LAPTM4B: variants seen among roughly 807,000 people sequenced by gnomAD.
The protein encoded by LAPTM4B is lysosomal protein transmembrane 4 beta, also known as lysosomal-associated transmembrane protein 4B.
In LAPTM4B, 26 loss-of-function variants were observed where a neutral mutation model predicts 28.5. That is an observed-to-expected ratio of 0.91 (90% CI 0.67 to 1.27). The LOEUF (loss-of-function observed/expected upper bound fraction) is 1.27. LAPTM4B is among the 50% of genes most tolerant of loss of function. LAPTM4B has a pLI of 0.00. For missense variants in LAPTM4B, 288 were observed against 285.8 expected, an observed-to-expected ratio of 1.01 and a Z score of -0.06; for synonymous variants, 109 against 106.4, an observed-to-expected ratio of 1.02 and a Z score of -0.15.
intron 1 of LAPTM4B, among the ~76,000 whole-genome samples, chr8:97,785,620 A>G (rs547731277): frequency 2.0e-5 from 3 of 152,312 alleles, no homozygotes; most frequent in Admixed American, 2.0e-4. Context: ...CAGCAGTTAT[A>G]AGTGCATTTT....
In LAPTM4B at chr8:97,775,925, G is replaced by A. The variant is rs764589071; in HGVS notation, c.-85G>A. The A allele has an allele frequency of 4.8e-6, 7 of 1,458,748 alleles. No individual in the cohort carries two copies. The highest frequency in any genetic ancestry group is 4.2e-5 in the South Asian group (3 of 72,278). The allele number at this position is 1,458,748 out of a possible 1,614,324, so 90.4% of individuals were successfully genotyped here. A position where few individuals can be genotyped will look rare whatever the true frequency, so the allele number is the denominator to read the frequency against. Reference sequence around the variant, plus strand: ...GGGAGCCGGAGCGGCGGAGGAGCCGGCAGCAGCGGCGCGGCGGGCTCCAGG... The same window carrying A: ...GGGAGCCGGAGCGGCGGAGGAGCCGACAGCAGCGGCGCGGCGGGCTCCAGG... On this transcript the variant is annotated 5_prime_UTR_variant, in exon 1 of 7. Transcript: ENST00000521545.
At chr8:97,782,770 T>G (rs1262476091) in intron 1 of LAPTM4B, among the ~76,000 whole-genome samples, 6 of 151,564 alleles carry the variant, frequency 4.0e-5, no homozygotes. Context: ...TCGCTCTTGT[T>G]GCCCAGGCTG....
chr8:97,787,351 T>C (rs1392263485), intron 1 of LAPTM4B, among the ~76,000 whole-genome samples: 1 of 149,662 alleles, frequency 6.7e-6, no homozygotes, highest in East Asian at 2.0e-4. Flanking sequence ...AGTGGTGCAA[T>C]CTCGGCTCAC....
intron 5 of LAPTM4B, among the ~76,000 whole-genome samples, chr8:97,820,290 A>ATTTT (rs1816984034): frequency 9.5e-6 from 1 of 105,044 alleles, no homozygotes; most frequent in African/African-American, 3.5e-5. Context: ...TTTTTTATTT[A>ATTTT]TTTTTCTTTC....
chr8:97,802,798 A>G (rs1436580307), intron 1 of LAPTM4B, among the ~76,000 whole-genome samples: 2 of 152,146 alleles, frequency 1.3e-5, no homozygotes, highest in East Asian at 3.8e-4. Context: ...ATCTGTTTAA[A>G]TTAGTTATAT....
chr8:97,823,847 G>A (rs1266639259), intron 5 of LAPTM4B, among the ~76,000 whole-genome samples: 4 of 151,668 alleles, frequency 2.6e-5, no homozygotes, highest in Non-Finnish European at 5.9e-5. Flanking sequence ...ACAGGCGCAC[G>A]CTGCCACACC....
intron 6 of LAPTM4B, among the ~76,000 whole-genome samples, chr8:97,843,812 TAAA>T (rs1817389492): frequency 6.8e-6 from 1 of 146,464 alleles, no homozygotes; most frequent in African/African-American, 2.5e-5. Flanking sequence ...AATAAATAAA[TAAA>T]TCATTTGCTT....
intron 1 of LAPTM4B, among the ~76,000 whole-genome samples, chr8:97,797,339 G>T (rs1428218647): frequency 6.6e-6 from 1 of 151,894 alleles, no homozygotes; most frequent in Non-Finnish European, 1.5e-5. Flanking sequence ...CTCCATGTTG[G>T]TTAGCCTGGT....
intron 6 of LAPTM4B, among the ~76,000 whole-genome samples, chr8:97,844,465 A>G (rs1427808546): frequency 6.6e-6 from 1 of 152,152 alleles, no homozygotes; most frequent in Non-Finnish European, 1.5e-5. Context: ...TGCTTGTGGA[A>G]TTCATTGGTG....
At chr8:97,794,917 G>A (rs1025945720) in intron 1 of LAPTM4B, among the ~76,000 whole-genome samples, 1 of 152,004 alleles carries the variant, frequency 6.6e-6, no homozygotes, top group Non-Finnish European at 1.5e-5. Flanking sequence ...TGACCATGTT[G>A]TGCAGGTTGG....
At position 97,850,111 on chromosome 8, in the gene LAPTM4B, G is replaced by A. The variant is rs548624561; in HGVS notation, c.604-1286G>A. On this transcript the variant is annotated intron_variant, in intron 6 of 6. Transcript: ENST00000521545. ...CTAGCTTGTTCCGTCCCTGAGTGCC[G>A]TACTTCAATCTTCTTATCCATTAGT... Among the ~76,000 whole-genome samples, 86 of 151,912 alleles carry A rather than the reference G, an allele frequency of 5.7e-4. 2 individuals are homozygous for A. In the South Asian group the frequency reaches 0.015, roughly 26 times the overall value.
chr8:97,835,154 A>G (rs1337788172), intron 6 of LAPTM4B, among the ~76,000 whole-genome samples: 1 of 152,212 alleles, frequency 6.6e-6, no homozygotes, highest in African/African-American at 2.4e-5. Flanking sequence ...CCACATTTAC[A>G]TAATAACATG....
chr8:97,832,003 G>A (rs554807964), intron 6 of LAPTM4B, among the ~76,000 whole-genome samples: 1 of 152,224 alleles, frequency 6.6e-6, no homozygotes, highest in African/African-American at 2.4e-5. Context: ...TGTGGTATGA[G>A]AGCAGAGGAA....
Position 97,805,414 on chromosome 8 carries a change from A to G in LAPTM4B, c.161A>G (p.Asn54Ser). Residue 54 changes from asparagine (N) to serine (S), a missense_variant, in exon 2 of 7, where the codon AAC becomes AGC. Coordinates refer to ENST00000521545, the MANE Select transcript of LAPTM4B (RefSeq NM_018407.6). ...LSALADPDQY[N>S]FSSSELGGDF... ...GCCCTGGCTGATCCGGATCAGTATA[A>G]CTTTTCAAGTTCTGAACTGGGAGGT... The G allele has an allele frequency of 6.2e-7, 1 of 1,611,508 alleles. No individual in the cohort carries two copies. The highest frequency in any genetic ancestry group is 8.5e-7 in the Non-Finnish European group (1 of 1,179,408).
At chr8:97,801,113 G>A (rs1025547320) in intron 1 of LAPTM4B, among the ~76,000 whole-genome samples, 1 of 151,448 alleles carries the variant, frequency 6.6e-6, no homozygotes, top group Admixed American at 6.6e-5. Flanking sequence ...TTTCATTTCA[G>A]CTTTAAAACC....
intron 1 of LAPTM4B, among the ~76,000 whole-genome samples, chr8:97,785,621 A>C (rs1205364428): frequency 6.6e-6 from 1 of 152,344 alleles, no homozygotes; most frequent in East Asian, 1.9e-4. Flanking sequence ...AGCAGTTATA[A>C]GTGCATTTTT....
intron 1 of LAPTM4B, 133 bp from the exon 2 acceptor site, chr8:97,805,220 T>C: frequency 1.7e-6 from 1 of 603,134 alleles, no homozygotes. Context: ...TGGGGCTTAG[T>C]GTTGAGAGTC....
chr8:97,851,746 C>A lies in LAPTM4B; in HGVS notation c.*272C>A, dbSNP rs912602766. ...CTAGGCATTGAAACTTCCCCCAAAT[C>A]TGATGGACCTAGAAGTCTGCTTTTG... On this transcript the variant is annotated 3_prime_UTR_variant, in exon 7 of 7. Coordinates refer to ENST00000521545, the MANE Select transcript of LAPTM4B (RefSeq NM_018407.6). 2 of 466,396 alleles carry A rather than the reference C, an allele frequency of 4.3e-6. No individual in the cohort carries two copies. The highest frequency in any genetic ancestry group is 3.8e-5 in the East Asian group (1 of 26,254). 28.9% of individuals were successfully genotyped at this position (466,396 alleles called of 1,614,324 possible). A position where few individuals can be genotyped will look rare whatever the true frequency, so the allele number is the denominator to read the frequency against.
At chr8:97,778,517 C>T (rs1312033416) in intron 1 of LAPTM4B, among the ~76,000 whole-genome samples, 1 of 152,014 alleles carries the variant, frequency 6.6e-6, no homozygotes, top group African/African-American at 2.4e-5. Context: ...TCCAAGAATG[C>T]AATTAACTGA....
Sources: gnomAD v4.1 joint callset for allele counts (sites outside exome capture counted in the v4.1 genomes callset) on GRCh38, gnomAD v4.1.1 for gene constraint, MANE v1.5 for transcripts, NCBI Gene and HGNC (gene_info 2026-07-23, HGNC 2026-07-21) for gene names.